ATP6V1E1: variants seen among roughly 807,000 people sequenced by gnomAD.
The protein encoded by ATP6V1E1 is V-type proton ATPase subunit E 1.
In ATP6V1E1, 21 loss-of-function variants were observed where a neutral mutation model predicts 35.2. The observed-to-expected ratio is 0.60, with a 90% CI of 0.42 to 0.86. The LOEUF is 0.86. Among genes scored for constraint, ATP6V1E1 ranks in the 40% least tolerant of loss-of-function variants. The pLI is 0.00. For synonymous variants in ATP6V1E1, 83 were observed against 87.8 expected (o/e 0.95, Z 0.30); for missense variants, 183 against 272.6 (o/e 0.67, Z 2.32).
Position 17,617,080 on chromosome 22 carries a change from T to C in ATP6V1E1, c.99+2381A>G, listed in dbSNP as rs576266679. ...AAAAAAAAAGAGTCATACAAGAAACTATCACCATCAAAACAATATTAAGCA... is the reference window on the plus strand; with the variant it reads ...AAAAAAAAAGAGTCATACAAGAAACCATCACCATCAAAACAATATTAAGCA... On this transcript the variant is annotated intron_variant, in intron 2 of 8. Coordinates refer to ENST00000253413, the MANE Select transcript of ATP6V1E1 (RefSeq NM_001696.4). Among the ~76,000 whole-genome samples, 8 of 151,712 alleles carry C rather than the reference T, an allele frequency of 5.3e-5. No individual in the cohort carries two copies. The South Asian group carries it at 1.7e-3, about 32-fold the overall frequency.
At chr22:17,621,671 C>T (rs1392743627) in intron 1 of ATP6V1E1, among the ~76,000 whole-genome samples, 3 of 152,156 alleles carry the variant, frequency 2.0e-5, no homozygotes, top group Non-Finnish European at 4.4e-5. Flanking sequence ...TAGTTCCTAC[C>T]ATACTAAACT....
chr22:17,607,321 C>G (rs1025481697), intron 4 of ATP6V1E1, among the ~76,000 whole-genome samples: 2 of 152,012 alleles, frequency 1.3e-5, no homozygotes, highest in South Asian at 2.1e-4. Context: ...CCAGGCCCAG[C>G]TAATTTTTGT....
rs111674457 is a variant in ATP6V1E1, at chr22:17,612,805, T to C, written c.276+7A>G. The C allele has an allele frequency of 6.3e-7, 1 of 1,576,144 alleles. No individual in the cohort carries two copies. Among genetic ancestry groups the C allele is most frequent in the Non-Finnish European group, 8.6e-7 (1 of 1,165,472 alleles). ...AATTTTATAACTAATAGGGGCTAATTACTCACTGTGATAAGGTCATCTCTT... is the reference window on the plus strand; with the variant it reads ...AATTTTATAACTAATAGGGGCTAATCACTCACTGTGATAAGGTCATCTCTT... On this transcript the variant is annotated splice_region_variant and intron_variant, in intron 4 of 8. Transcript: ENST00000253413.
chr22:17,604,426 G>T (rs563234808), intron 4 of ATP6V1E1, among the ~76,000 whole-genome samples: 4 of 152,078 alleles, frequency 2.6e-5, no homozygotes, highest in Non-Finnish European at 5.9e-5. Flanking sequence ...CTCCTCAAAA[G>T]CAGGAAACCA....
chr22:17,620,159 T>C (rs2057868512), intron 1 of ATP6V1E1, among the ~76,000 whole-genome samples: 1 of 151,550 alleles, frequency 6.6e-6, no homozygotes, highest in Non-Finnish European at 1.5e-5. Flanking sequence ...TGTTTTTTTT[T>C]TTTTTTGAGA....
intron 2 of ATP6V1E1, chr22:17,619,241 G>C: frequency 1.8e-6 from 1 of 540,914 alleles, no homozygotes; most frequent in Non-Finnish European, 3.3e-6. Flanking sequence ...GCAGTGAGCC[G>C]AGATCGCGCC....
chr22:17,601,279 C>T (rs968880651), intron 4 of ATP6V1E1, 98 bp from the exon 5 acceptor site: 3 of 887,552 alleles, frequency 3.4e-6, no homozygotes, highest in Admixed American at 4.6e-5. Flanking sequence ...AGCTGCCTCA[C>T]ATTTTATTGC....
rs146558925 is a variant in ATP6V1E1 at position 17,592,945 on chromosome 22, G to A, written c.619-209C>T. ...TGGGACTACAGGTGCTTGCCACCAT[G>A]CCTGGCTAATTTTTTTGTATTTTTA... On this transcript the variant is annotated intron_variant, in intron 8 of 8. Transcript: ENST00000253413. Among the ~76,000 whole-genome samples the A allele has an allele frequency of 7.2e-3, 1,091 of 152,098 alleles. 13 individuals are homozygous for A. The highest frequency in any genetic ancestry group is 0.025 in the African/African-American group (1,034 of 41,506).
In ATP6V1E1 at chr22:17,605,205, C is replaced by CAAAAAA. The variant is rs898076791; in HGVS notation, c.277-4030_277-4025dup. 8.2e-3 allele frequency among the ~76,000 whole-genome samples: 449 copies of CAAAAAA among 54,766 alleles called. 7 individuals are homozygous for CAAAAAA. The highest frequency in any genetic ancestry group is 0.035 in the African/African-American group (421 of 12,148). 35.9% of individuals were successfully genotyped at this position (54,766 alleles called of 152,430 possible). On this transcript the variant is annotated intron_variant, in intron 4 of 8. Transcript: ENST00000253413. Reference sequence around the variant, plus strand: ...GGGGGACAAGAGTGAGACTTCATCTCAAAAAAAAAAAAAAAAAAGAAAAGA... The same window carrying CAAAAAA: ...GGGGGACAAGAGTGAGACTTCATCTCAAAAAAAAAAAAAAAAAAAAAAAAGAAAAGA...
chr22:17,600,784 A>G, intron 5 of ATP6V1E1: 1 of 191,596 alleles, frequency 5.2e-6, no homozygotes, highest in Non-Finnish European at 1.1e-5. Flanking sequence ...TTAGTGGCAA[A>G]ATCAAATTAA....
intron 1 of ATP6V1E1, among the ~76,000 whole-genome samples, chr22:17,624,003 G>A (rs1259095145): frequency 6.6e-6 from 1 of 152,090 alleles, no homozygotes; most frequent in African/African-American, 2.4e-5. Flanking sequence ...AGTAATTAAG[G>A]TTTTTAGAGT....
At chr22:17,620,658 TCTCA>T (rs1182101445) in intron 1 of ATP6V1E1, among the ~76,000 whole-genome samples, 2 of 152,254 alleles carry the variant, frequency 1.3e-5, no homozygotes, top group Admixed American at 6.5e-5. Flanking sequence ...TCTCCCCACT[TCTCA>T]CTTTGAGCTC....
At position 17,599,450 on chromosome 22, in the gene ATP6V1E1, C is replaced by G. The variant is rs1265039118; in HGVS notation, c.435+577G>C. Among the ~76,000 whole-genome samples, 8 of 150,762 alleles carry G rather than the reference C, an allele frequency of 5.3e-5. No homozygotes were observed. In the East Asian group the frequency reaches 1.6e-3, roughly 30 times the overall value. On this transcript the variant is annotated intron_variant, in intron 6 of 8. Transcript: ENST00000253413. ...AATTAGCCAGGCATGGTGGTGCATG[C>G]CTGTAATCCCAGCTACTTGGGAGGC...
chr22:17,600,864 T>C (rs2057758564), intron 5 of ATP6V1E1: 4 of 342,864 alleles, frequency 1.2e-5, no homozygotes, highest in Non-Finnish European at 2.1e-5. Context: ...AATTGAGTAG[T>C]AGGCCTGGAA....
intron 4 of ATP6V1E1, among the ~76,000 whole-genome samples, chr22:17,611,303 C>G (rs1487959363): frequency 6.6e-6 from 1 of 152,174 alleles, no homozygotes; most frequent in Non-Finnish European, 1.5e-5. Flanking sequence ...ACTCTTGACT[C>G]TTTCTTTTGT....
At chr22:17,618,843 T>C (rs2057860051) in intron 2 of ATP6V1E1, among the ~76,000 whole-genome samples, 1 of 151,172 alleles carries the variant, frequency 6.6e-6, no homozygotes, top group African/African-American at 2.4e-5. Context: ...CTACTAAAAA[T>C]ACAAAAATTA....
chr22:17,594,112 G>C (rs1480713194), intron 8 of ATP6V1E1, among the ~76,000 whole-genome samples: 2 of 152,156 alleles, frequency 1.3e-5, no homozygotes, highest in African/African-American at 4.8e-5. Context: ...TGAAGCAGGA[G>C]AATCGCTTGA....
At chr22:17,624,540 C>T (rs1023268176) in intron 1 of ATP6V1E1, among the ~76,000 whole-genome samples, 3 of 151,436 alleles carry the variant, frequency 2.0e-5, no homozygotes, top group Non-Finnish European at 4.4e-5. Flanking sequence ...GGCAAGAGAG[C>T]GAGACTGTCT....
intron 5 of ATP6V1E1, 49 bp from the exon 6 acceptor site, chr22:17,600,144 A>T: frequency 6.5e-7 from 1 of 1,543,114 alleles, no homozygotes; most frequent in Non-Finnish European, 9.0e-7. Context: ...ACTATAAAAT[A>T]AAGAAACAGG....
Sources: gnomAD v4.1 joint callset for allele counts (sites outside exome capture counted in the v4.1 genomes callset) on GRCh38, gnomAD v4.1.1 for gene constraint, MANE v1.5 for transcripts, NCBI Gene and HGNC (gene_info 2026-07-23, HGNC 2026-07-21) for gene names.